Variants in DHX8 observed in about 807,000 individuals in gnomAD.
DHX8 encodes the protein DEAH-box helicase 8, also known as ATP-dependent RNA helicase DHX8.
A neutral mutation model predicts 140.7 loss-of-function variants in DHX8; 67 were observed. That is an observed-to-expected ratio of 0.48 (90% CI 0.39 to 0.58). DHX8 has a LOEUF of 0.58. Among genes scored for constraint, DHX8 ranks in the 20% least tolerant of loss-of-function variants. The pLI is 0.00. For missense variants in DHX8, 887 were observed against 1,550.7 expected (o/e 0.57, Z 7.19); for synonymous variants, 533 against 553.2 (o/e 0.96, Z 0.51).
chr17:43,493,519 T>G lies in DHX8; in HGVS notation c.938T>G (p.Val313Gly). The G allele has an allele frequency of 6.2e-7, 1 of 1,614,050 alleles. No homozygotes were observed. Among genetic ancestry groups the G allele is most frequent in the Non-Finnish European group, 8.5e-7 (1 of 1,179,976 alleles). The change falls in exon 7 of 23, where the codon GTG (valine) becomes GGG (glycine). Residue 313 changes from valine (V) to glycine (G), a missense_variant. This residue lies in a region of DHX8 where 98 missense variants were observed against 152.7 expected (regional missense o/e 0.64). Coordinates refer to ENST00000262415, the MANE Select transcript of DHX8 (RefSeq NM_004941.3). The stretch of plus-strand genomic sequence containing the variant: ...CGTGTGGCCAATGTAGCTGATGTCG[T>G]GAGCAAAGGCCAGAGGGTCAAAGTC... ...EGRVANVADV[V>G]SKGQRVKVKV...
intron 17 of DHX8, 24 bp from the exon 18 acceptor site, chr17:43,517,143 G>T: frequency 1.2e-6 from 2 of 1,600,354 alleles, no homozygotes; most frequent in Non-Finnish European, 1.7e-6. Context: ...CAGATATGTT[G>T]CTTTTATATG....
At chr17:43,512,078 A>C (rs1219033829) in intron 16 of DHX8, among the ~76,000 whole-genome samples, 1 of 152,056 alleles carries the variant, frequency 6.6e-6, no homozygotes, top group African/African-American at 2.4e-5. Flanking sequence ...TCTTGGACAT[A>C]TACCTAAGAG....
At chr17:43,512,002 A>G (rs1022526237) in intron 16 of DHX8, among the ~76,000 whole-genome samples, 8 of 152,154 alleles carry the variant, frequency 5.3e-5, no homozygotes, top group African/African-American at 1.4e-4. Flanking sequence ...CCAAGGCTAC[A>G]GAGCAAACCA....
chr17:43,520,765 T>A lies in DHX8; in HGVS notation c.2952T>A (p.Pro984=). Residue 984 remains proline, a synonymous_variant, in exon 20 of 23, where the codon CCT becomes CCA. Transcript: ENST00000262415. ...TRLGRRMAEF[P]LEPMLCKMLI... ...TGTCCCTCTAGATGGCAGAGTTCCC[T>A]CTGGAGCCAATGCTATGCAAAATGC... 7 of 1,614,090 alleles carry A rather than the reference T, an allele frequency of 4.3e-6. No homozygotes were observed. The highest frequency in any genetic ancestry group is 5.9e-6 in the Non-Finnish European group (7 of 1,179,994).
At chr17:43,510,078 C>T (rs980117630) in intron 16 of DHX8, among the ~76,000 whole-genome samples, 10 of 151,872 alleles carry the variant, frequency 6.6e-5, no homozygotes, top group Non-Finnish European at 1.2e-4. Flanking sequence ...GATGGAGTTT[C>T]GCTCTTGTTG....
At chr17:43,505,920 C>T (rs150322740) in intron 12 of DHX8, among the ~76,000 whole-genome samples, 217 of 152,088 alleles carry the variant, frequency 1.4e-3, no homozygotes, top group Non-Finnish European at 2.4e-3. Flanking sequence ...TATATGAGTA[C>T]TGTGTGTGTT....
intron 3 of DHX8, among the ~76,000 whole-genome samples, chr17:43,542,417 A>G (rs1971570555): frequency 6.6e-6 from 1 of 152,122 alleles, no homozygotes; most frequent in Non-Finnish European, 1.5e-5. Flanking sequence ...CCAAGGATTC[A>G]GGGCTCCTGA....
At position 43,492,785 on chromosome 17, in the gene DHX8, G is replaced by T. The variant is rs149466238; in HGVS notation, c.608G>T (p.Arg203Leu). The change falls in exon 6 of 23, where the codon CGA becomes CTA. Residue 203 changes from arginine to leucine, a missense_variant. This residue lies in a region of DHX8 where 304 missense variants were observed against 306.9 expected (regional missense o/e 0.99). Coordinates refer to ENST00000262415, the MANE Select transcript of DHX8 (RefSeq NM_004941.3). The stretch of plus-strand genomic sequence containing the variant: ...GATAGAGACCACAAGCGGAGACACC[G>T]ATCCCGCTCTCGATCACGTTCCAGG... ...NRDRDHKRRHRSRSRSRSRTR... is the reference protein window; with the variant it reads ...NRDRDHKRRHLSRSRSRSRTR... The T allele has an allele frequency of 2.9e-5, 46 of 1,614,002 alleles. No individual in the cohort carries two copies. The highest frequency in any genetic ancestry group is 3.6e-5 in the Non-Finnish European group (42 of 1,180,012).
chr17:43,537,852 G>C (rs1971324635), intron 3 of DHX8, among the ~76,000 whole-genome samples: 1 of 152,084 alleles, frequency 6.6e-6, no homozygotes, highest in South Asian at 2.1e-4. Context: ...AATTAGGCCG[G>C]GCGCGGTGGC....
Position 43,524,016 on chromosome 17 carries a change from T to G in DHX8, c.*169T>G. The G allele has an allele frequency of 7.0e-7, 1 of 1,436,610 alleles. No homozygotes were observed. The allele number at this position is 1,436,610 out of a possible 1,614,324, so 89.0% of individuals were successfully genotyped here. A position where few individuals can be genotyped will look rare whatever the true frequency, so the allele number is the denominator to read the frequency against. ...TGCTGGTAAAATAGAAACAGGGATT[T>G]AAACCTGGCTTTGGCAAGAGCCTGC... is the stretch of plus-strand genomic sequence containing the variant. On this transcript the variant is annotated 3_prime_UTR_variant, in exon 23 of 23. Transcript: ENST00000262415.
In DHX8 at chr17:43,524,266, C is replaced by T. The variant is rs1970522765; in HGVS notation, c.*419C>T. 3 of 1,020,260 alleles carry T rather than the reference C, an allele frequency of 2.9e-6. No homozygotes were observed. The highest frequency in any genetic ancestry group is 3.5e-6 in the Non-Finnish European group (3 of 851,370). 63.2% of individuals were successfully genotyped at this position (1,020,260 alleles called of 1,614,324 possible). A position where few individuals can be genotyped will look rare whatever the true frequency, so the allele number is the denominator to read the frequency against. The stretch of plus-strand genomic sequence containing the variant: ...GCCCCACTTCCCACCCCGTCTCCAG[C>T]CCCTGTACTTTGGCTTGACCTCGTG... On this transcript the variant is annotated 3_prime_UTR_variant, in exon 23 of 23. Transcript: ENST00000262415.
intron 2 of DHX8, among the ~76,000 whole-genome samples, chr17:43,531,968 T>C (rs28581728): frequency 0.23 from 34,334 of 152,162 alleles, 4,127 homozygotes; most frequent in East Asian, 0.32. Flanking sequence ...ATGCCTTAAC[T>C]TCCCTATTAA....
chr17:43,503,777 G>C (rs1163048607), intron 11 of DHX8, among the ~76,000 whole-genome samples: 2 of 152,162 alleles, frequency 1.3e-5, no homozygotes, highest in African/African-American at 2.4e-5. Flanking sequence ...GGTTGCCAAG[G>C]GAAAGGAAAA....
chr17:43,486,408 G>T (rs1258012564), intron 1 of DHX8, among the ~76,000 whole-genome samples: 1 of 152,066 alleles, frequency 6.6e-6, no homozygotes, highest in Non-Finnish European at 1.5e-5. Context: ...TAGAGTTTCC[G>T]ATGAAAACTG....
In DHX8 at chr17:43,525,551, A is replaced by G. The variant is rs1040698955; in HGVS notation, c.*1704A>G. ...GGGCATTGTTGTGTGTTAACCTTGA[A>G]GGCCTTCTGGGGAGAGACAGTACAG... is the stretch of plus-strand genomic sequence containing the variant. On this transcript the variant is annotated 3_prime_UTR_variant, in exon 23 of 23. Coordinates refer to ENST00000262415, the MANE Select transcript of DHX8 (RefSeq NM_004941.3). The G allele has an allele frequency of 3.8e-5, 37 of 985,306 alleles. No individual in the cohort carries two copies. The highest frequency in any genetic ancestry group is 4.2e-5 in the Non-Finnish European group (35 of 829,976). 61.0% of individuals were successfully genotyped at this position (985,306 alleles called of 1,614,324 possible).
intron 8 of DHX8, among the ~76,000 whole-genome samples, chr17:43,495,494 C>G (rs934585722): frequency 3.3e-5 from 5 of 152,082 alleles, no homozygotes; most frequent in African/African-American, 4.8e-5. Flanking sequence ...CAGTGCTCAT[C>G]TCAAACTCCT....
At chr17:43,499,222 C>T (rs1037265368) in intron 10 of DHX8, among the ~76,000 whole-genome samples, 2 of 152,152 alleles carry the variant, frequency 1.3e-5, no homozygotes, top group Non-Finnish European at 2.9e-5. Flanking sequence ...CCATCATTGC[C>T]TTTGCCTGGA....
intron 2 of DHX8, chr17:43,532,526 A>C (rs915937064): frequency 6.6e-6 from 5 of 761,734 alleles, no homozygotes; most frequent in Non-Finnish European, 8.3e-6. Flanking sequence ...AAGAAAAATA[A>C]CATTCTTTTG....
In DHX8 at chr17:43,493,000, A is replaced by T. The variant is rs1159155379; in HGVS notation, c.823A>T (p.Ile275Phe). The change falls in exon 6 of 23, where the codon ATC becomes TTC. Residue 275 changes from isoleucine to phenylalanine, a missense_variant. Transcript: ENST00000262415. ...GDIYNGKVTSIMQFGCFVQLE... is the reference protein window; with the variant it reads ...GDIYNGKVTSFMQFGCFVQLE... ...CATTTATAATGGCAAAGTTACCAGC[A>T]TCATGCAGTTTGGTTGCTTTGTGCA... 1 of 1,614,046 alleles carries T rather than the reference A, an allele frequency of 6.2e-7. No homozygotes were observed. The highest frequency in any genetic ancestry group is 1.3e-5 in the African/African-American group (1 of 74,934).
Sources: allele counts gnomAD v4.1 joint callset (sites outside exome capture counted in the v4.1 genomes callset), GRCh38; gene constraint gnomAD v4.1.1; regional missense constraint gnomAD v4.1.1; transcripts MANE v1.5; gene names NCBI Gene and HGNC (gene_info 2026-07-23, HGNC 2026-07-21).